LUZP2: variants seen among roughly 807,000 people sequenced by gnomAD.
The protein encoded by LUZP2 is leucine zipper protein 2.
LUZP2 carries 52 observed loss-of-function variants against 51.6 expected under a neutral mutation model. The observed-to-expected ratio is 1.01, with a 90% confidence interval of 0.81 to 1.27. The LOEUF (loss-of-function observed/expected upper bound fraction) is 1.27. Among genes scored for constraint, LUZP2 ranks in the 50% most tolerant of loss-of-function variants. The pLI, the probability that LUZP2 is intolerant of heterozygous loss-of-function variation, is 0.00. For missense variants in LUZP2, 436 were observed against 395.4 expected (o/e 1.10, Z -0.87); for synonymous variants, 154 against 137.3 (o/e 1.12, Z -0.85).
chr11:24,995,607 G>A (rs901312835), intron 9 of LUZP2, among the ~76,000 whole-genome samples: 4 of 151,476 alleles, frequency 2.6e-5, no homozygotes, highest in Non-Finnish European at 4.4e-5. Flanking sequence ...TAGGTTGACA[G>A]ATTTTTAAAT....
chr11:24,727,146 A>G (rs908347574), intron 1 of LUZP2, among the ~76,000 whole-genome samples: 6 of 152,212 alleles, frequency 3.9e-5, no homozygotes, highest in African/African-American at 1.4e-4. Context: ...GGGAAATGTT[A>G]TTTGTAATTT....
intron 5 of LUZP2, among the ~76,000 whole-genome samples, chr11:24,841,700 G>A (rs1469519430): frequency 6.6e-6 from 1 of 151,912 alleles, no homozygotes; most frequent in Non-Finnish European, 1.5e-5. Context: ...AATATCCTAG[G>A]AGCAAATGTC....
At chr11:24,585,970 G>A (rs1028745188) in intron 1 of LUZP2, among the ~76,000 whole-genome samples, 1 of 152,042 alleles carries the variant, frequency 6.6e-6, no homozygotes, top group Non-Finnish European at 1.5e-5. Flanking sequence ...TGCATTTTTT[G>A]TATTGATCTA....
chr11:24,707,017 G>GA (rs1280620253), intron 1 of LUZP2, among the ~76,000 whole-genome samples: 2 of 147,086 alleles, frequency 1.4e-5, no homozygotes, highest in African/African-American at 5.0e-5. Context: ...AAAAAGAAAA[G>GA]AAAGGAAAAA....
intron 10 of LUZP2, among the ~76,000 whole-genome samples, chr11:25,056,832 G>T (rs1858697451): frequency 6.6e-6 from 1 of 152,258 alleles, no homozygotes; most frequent in South Asian, 2.1e-4. Flanking sequence ...CGGGCGCCGT[G>T]GCTCATGCCT....
chr11:24,921,705 C>T (rs193134447), intron 7 of LUZP2, among the ~76,000 whole-genome samples: 1 of 152,010 alleles, frequency 6.6e-6, no homozygotes, highest in East Asian at 1.9e-4. Context: ...GCAATCTAGG[C>T]ATTAAAACAT....
intron 4 of LUZP2, among the ~76,000 whole-genome samples, chr11:24,758,548 T>C (rs2134023148): frequency 6.6e-6 from 1 of 152,200 alleles, no homozygotes; most frequent in Non-Finnish European, 1.5e-5. Context: ...TATTTATAAC[T>C]TTTTTATTGT....
rs541370872 is a variant in LUZP2, at chr11:24,580,564, G to A, written c.62+83259G>A. 1.2e-4 allele frequency among the ~76,000 whole-genome samples: 18 copies of A among 151,870 alleles called. 2 individuals carry two copies. In the South Asian group the frequency reaches 3.5e-3, roughly 30 times the overall value. On this transcript the variant is annotated intron_variant, in intron 1 of 11. Coordinates refer to ENST00000336930, the MANE Select transcript of LUZP2 (RefSeq NM_001009909.4). Reference sequence around the variant, plus strand: ...TAATCACTTTGCAATTAAACTTTTGGAGTCTCACATTGAAAAAAGTATAAT... The same window carrying A: ...TAATCACTTTGCAATTAAACTTTTGAAGTCTCACATTGAAAAAAGTATAAT...
At chr11:24,532,068 A>G (rs1851020526) in intron 1 of LUZP2, among the ~76,000 whole-genome samples, 1 of 150,940 alleles carries the variant, frequency 6.6e-6, no homozygotes, top group African/African-American at 2.4e-5. Flanking sequence ...AGAAAATAAT[A>G]AAATTAACTT....
intron 1 of LUZP2, among the ~76,000 whole-genome samples, chr11:24,574,417 GTA>G (rs1219646522): frequency 1.4e-5 from 2 of 140,382 alleles, no homozygotes; most frequent in African/African-American, 2.6e-5. Context: ...TCTCTGGTGT[GTA>G]TGTATTTGTG....
chr11:24,866,526 C>T (rs915527411), intron 5 of LUZP2, among the ~76,000 whole-genome samples: 5 of 44,552 alleles, frequency 1.1e-4, no homozygotes, highest in Admixed American at 2.3e-4. Context: ...CATAAAACAA[C>T]ACTTTTTTTT....
At chr11:25,065,115 T>C (rs564759099) in intron 10 of LUZP2, among the ~76,000 whole-genome samples, 1 of 152,116 alleles carries the variant, frequency 6.6e-6, no homozygotes, top group South Asian at 2.1e-4. Context: ...GATACCAAAA[T>C]ATGCATCTTA....
chr11:24,539,743 A>T (rs1851296910), intron 1 of LUZP2, among the ~76,000 whole-genome samples: 1 of 152,072 alleles, frequency 6.6e-6, no homozygotes, highest in Non-Finnish European at 1.5e-5. Context: ...GCTGTTACTT[A>T]AGCCACCATT....
At chr11:24,980,056 C>T (rs1343637878) in intron 8 of LUZP2, among the ~76,000 whole-genome samples, 2 of 151,692 alleles carry the variant, frequency 1.3e-5, no homozygotes, top group Non-Finnish European at 2.9e-5. Context: ...ATGACTTTCC[C>T]GGGCTCTCTG....
chr11:24,872,761 A>G (rs1158093512), intron 5 of LUZP2, among the ~76,000 whole-genome samples: 1 of 152,078 alleles, frequency 6.6e-6, no homozygotes, highest in Non-Finnish European at 1.5e-5. Flanking sequence ...TTTTTTATTT[A>G]CAAAGCATTT....
In LUZP2 at chr11:24,498,456, T is replaced by C. The variant is rs142036023; in HGVS notation, c.62+1151T>C. 1.6e-4 allele frequency among the ~76,000 whole-genome samples: 24 copies of C among 152,310 alleles called. No homozygotes were observed. In the East Asian group the frequency reaches 4.6e-3, roughly 29 times the overall value. ...GGCCTGTGTAACCAAACTTTCCTTT[T>C]AGTGTAGAGACTATTTCATTTACCC... On this transcript the variant is annotated intron_variant, in intron 1 of 11. Transcript: ENST00000336930.
intron 1 of LUZP2, among the ~76,000 whole-genome samples, chr11:24,609,549 A>G (rs948521135): frequency 2.6e-5 from 4 of 151,660 alleles, no homozygotes; most frequent in African/African-American, 9.7e-5. Flanking sequence ...AACATAGTGA[A>G]AAAACCCTGT....
chr11:24,541,777 C>G (rs1287874503), intron 1 of LUZP2, among the ~76,000 whole-genome samples: 1 of 151,876 alleles, frequency 6.6e-6, no homozygotes, highest in Non-Finnish European at 1.5e-5. Context: ...AGTACACTGA[C>G]AAGAATAATG....
intron 9 of LUZP2, among the ~76,000 whole-genome samples, chr11:25,045,848 G>A (rs541179179): frequency 7.9e-5 from 12 of 152,154 alleles, no homozygotes; most frequent in African/African-American, 2.9e-4. Flanking sequence ...CCAGGCCTCT[G>A]TGGTTACATG....
Sources: allele counts gnomAD v4.1 joint callset (sites outside exome capture counted in the v4.1 genomes callset), GRCh38; gene constraint gnomAD v4.1.1; transcripts MANE v1.5; gene names NCBI Gene and HGNC (gene_info 2026-07-23, HGNC 2026-07-21).